Variants in SIPA1L3 observed in about 807,000 individuals in gnomAD.
SIPA1L3 encodes signal induced proliferation associated 1 like 3, also known as signal-induced proliferation-associated 1-like protein 3.
A neutral mutation model predicts 150.1 loss-of-function variants in SIPA1L3; 59 were observed. The ratio of observed to expected loss-of-function variants is 0.39; its 90% confidence interval spans 0.32 to 0.49. SIPA1L3 has a LOEUF of 0.49. Among genes scored for constraint, SIPA1L3 ranks in the 20% least tolerant of loss-of-function variants. The probability of loss-of-function intolerance (pLI) is 0.86; values close to 1 mark genes in which losing one functional copy is unlikely to be tolerated. For missense variants in SIPA1L3, 2,211 were observed against 2,489.5 expected, an observed-to-expected ratio of 0.89 and a Z score of 2.38; for synonymous variants, 1,070 against 1,077.6, an observed-to-expected ratio of 0.99 and a Z score of 0.14.
chr19:38,060,952 A>G (rs1969433784), intron 2 of SIPA1L3, among the ~76,000 whole-genome samples: 1 of 152,202 alleles, frequency 6.6e-6, no homozygotes. Context: ...TCAGCCTCCC[A>G]GAGTGCTGGG....
chr19:37,934,293 G>A (rs1443255772), intron 1 of SIPA1L3, among the ~76,000 whole-genome samples: 1 of 152,202 alleles, frequency 6.6e-6, no homozygotes, highest in African/African-American at 2.4e-5. Flanking sequence ...ATCATCGCAT[G>A]TCAGGACCTG....
intron 1 of SIPA1L3, among the ~76,000 whole-genome samples, chr19:37,949,495 A>G (rs545229082): frequency 6.6e-6 from 1 of 152,084 alleles, no homozygotes; most frequent in Non-Finnish European, 1.5e-5. Flanking sequence ...GTGAAACCCC[A>G]TCTCTACTAA....
chr19:38,021,411 C>G (rs143067049), intron 1 of SIPA1L3, among the ~76,000 whole-genome samples: 1 of 152,134 alleles, frequency 6.6e-6, no homozygotes, highest in Non-Finnish European at 1.5e-5. Context: ...CTCAGCCCTT[C>G]TAGTCTGGGC....
chr19:38,059,619 C>A (rs943226839), intron 2 of SIPA1L3, among the ~76,000 whole-genome samples: 3 of 152,116 alleles, frequency 2.0e-5, no homozygotes, highest in African/African-American at 7.2e-5. Context: ...CTTTAAAATT[C>A]TGTTATTGTG....
At chr19:38,176,300 A>G (rs1176006331) in intron 15 of SIPA1L3, among the ~76,000 whole-genome samples, 1 of 151,938 alleles carries the variant, frequency 6.6e-6, no homozygotes, top group African/African-American at 2.4e-5. Flanking sequence ...GGCGTAAGCC[A>G]CTGCACCCGG....
At chr19:37,918,462 G>A (rs960094970) in intron 1 of SIPA1L3, among the ~76,000 whole-genome samples, 6 of 151,858 alleles carry the variant, frequency 4.0e-5, no homozygotes, top group African/African-American at 1.4e-4. Flanking sequence ...GTTTCACCAT[G>A]TTGGCCAGGA....
At chr19:37,910,524 G>C (rs1369138424) in intron 1 of SIPA1L3, among the ~76,000 whole-genome samples, 1 of 143,612 alleles carries the variant, frequency 7.0e-6, no homozygotes, top group East Asian at 2.0e-4. Flanking sequence ...GTGAGACCCT[G>C]TCTCAGAAAA....
chr19:37,909,192 CCATCTGATGGG>C (rs1484157089), intron 1 of SIPA1L3, among the ~76,000 whole-genome samples: 1 of 152,188 alleles, frequency 6.6e-6, no homozygotes, highest in African/African-American at 2.4e-5. Context: ...TATTGGTCTC[CCATCTGATGGG>C]CACTGAAAGT....
chr19:37,973,918 A>G (rs575280161), intron 1 of SIPA1L3, among the ~76,000 whole-genome samples: 3 of 152,284 alleles, frequency 2.0e-5, no homozygotes, highest in African/African-American at 7.2e-5. Context: ...CGATCACCCA[A>G]GGCAGAAGAG....
chr19:38,142,793 C>A, intron 12 of SIPA1L3, 83 bp downstream of exon 12: 2 of 1,481,890 alleles, frequency 1.3e-6, no homozygotes, highest in Admixed American at 3.7e-5. Flanking sequence ...CACACCCCCA[C>A]AATTCTAGTT....
intron 12 of SIPA1L3, among the ~76,000 whole-genome samples, chr19:38,148,322 G>T (rs577927042): frequency 6.6e-6 from 1 of 151,456 alleles, no homozygotes; most frequent in African/African-American, 2.4e-5. Context: ...CTGCACTCTA[G>T]CCTGGGTGAC....
chr19:38,138,080 A>G (rs1012453392), intron 10 of SIPA1L3, among the ~76,000 whole-genome samples: 1 of 152,116 alleles, frequency 6.6e-6, no homozygotes, highest in Non-Finnish European at 1.5e-5. Flanking sequence ...GCAGTGAGCC[A>G]GGATCACGCC....
At chr19:37,911,176 C>T (rs1382013037) in intron 1 of SIPA1L3, among the ~76,000 whole-genome samples, 3 of 152,074 alleles carry the variant, frequency 2.0e-5, no homozygotes, top group African/African-American at 4.8e-5. Context: ...GATGTGCTCT[C>T]TGCCCTTGTG....
intron 1 of SIPA1L3, among the ~76,000 whole-genome samples, chr19:37,933,387 C>G (rs2046572891): frequency 6.6e-6 from 1 of 152,114 alleles, no homozygotes; most frequent in African/African-American, 2.4e-5. Context: ...TGCACCTTCT[C>G]CCTCACCCTC....
rs770094977 is a variant in SIPA1L3 at position 38,142,618 on chromosome 19, G to A, written c.3441G>A (p.Gly1147=). The change falls in exon 12 of 22, where the codon GGG becomes GGA. Residue 1147 remains glycine, a synonymous_variant. Transcript: ENST00000222345. ...CCCCTTACACAGTATCACCAGCAGGGGCCGACAGAGTCCCTCCCTACCGAC... is the reference window on the plus strand; with the variant it reads ...CCCCTTACACAGTATCACCAGCAGGAGCCGACAGAGTCCCTCCCTACCGAC... ...PETPYTVSPA[G]ADRVPPYRQP... is the part of the protein sequence containing the mutation. 1.9e-6 allele frequency: 3 copies of A among 1,613,962 alleles called. No homozygotes were observed. The highest frequency in any genetic ancestry group is 1.7e-6 in the Non-Finnish European group (2 of 1,179,938).
Position 38,025,434 on chromosome 19 carries a change from A to G in SIPA1L3, c.-378-3655A>G, listed in dbSNP as rs536801154. On this transcript the variant is annotated intron_variant, in intron 1 of 21. Coordinates refer to ENST00000222345, the MANE Select transcript of SIPA1L3 (RefSeq NM_015073.3). ...GTACTGGCTGGATTCCCGGATCTGT[A>G]GCCCTCCTTTGCTGCCGTTTCCACG... Among the ~76,000 whole-genome samples, 209 of 152,270 alleles carry G rather than the reference A, an allele frequency of 1.4e-3. 1 individual carries two copies. In the South Asian group the frequency reaches 0.015, roughly 11 times the overall value.
At chr19:38,094,043 C>T (rs2145846515) in intron 4 of SIPA1L3, among the ~76,000 whole-genome samples, 1 of 152,272 alleles carries the variant, frequency 6.6e-6, no homozygotes, top group South Asian at 2.1e-4. Flanking sequence ...TTTTGACAGG[C>T]TTTAGTTCTG....
intron 2 of SIPA1L3, among the ~76,000 whole-genome samples, chr19:38,052,162 C>G (rs987395454): frequency 6.6e-6 from 1 of 152,184 alleles, no homozygotes; most frequent in Non-Finnish European, 1.5e-5. Context: ...TCCTGTGGTG[C>G]TTTTCATTTT....
chr19:38,065,259 T>A (rs1969545620), intron 2 of SIPA1L3, among the ~76,000 whole-genome samples: 1 of 152,116 alleles, frequency 6.6e-6, no homozygotes, highest in Non-Finnish European at 1.5e-5. Flanking sequence ...ACTCTGCCTT[T>A]GGAAACATGC....
Sources: allele counts gnomAD v4.1 joint callset (sites outside exome capture counted in the v4.1 genomes callset), GRCh38; gene constraint gnomAD v4.1.1; transcripts MANE v1.5; gene names NCBI Gene and HGNC (gene_info 2026-07-23, HGNC 2026-07-21).